Variants in SCHIP1 observed in about 807,000 individuals in gnomAD.
The protein encoded by SCHIP1 is schwannomin-interacting protein 1.
Under a neutral mutation model 29.7 loss-of-function variants are expected in SCHIP1, and 8 were observed. That is an observed-to-expected ratio of 0.27 (90% CI 0.16 to 0.49). The LOEUF (loss-of-function observed/expected upper bound fraction) is 0.49, where lower values mean the gene tolerates loss of function less well. Among genes scored for constraint, SCHIP1 ranks in the 20% least tolerant of loss-of-function variants. SCHIP1 has a pLI of 0.99. For synonymous variants in SCHIP1, 76 were observed against 94.9 expected, an observed-to-expected ratio of 0.80 and a Z score of 1.16; for missense variants, 193 against 294.6, an observed-to-expected ratio of 0.66 and a Z score of 2.52.
At chr3:159,432,155 T>G in the SCHIP1 span, among the ~76,000 whole-genome samples, 1 of 151,972 alleles carries the variant, frequency 6.6e-6, no homozygotes. Flanking sequence ...GGATCCAAGA[T>G]AGATTGCTCT....
At chr3:159,684,314 A>T in the SCHIP1 span, among the ~76,000 whole-genome samples, 1 of 152,146 alleles carries the variant, frequency 6.6e-6, no homozygotes, top group Admixed American at 6.5e-5. Context: ...CTTTCCTTCA[A>T]AAACCCTAAT....
At chr3:159,359,189 G>A in the SCHIP1 span, among the ~76,000 whole-genome samples, 1 of 152,014 alleles carries the variant, frequency 6.6e-6, no homozygotes, top group Non-Finnish European at 1.5e-5. Context: ...GCCTCCCAAA[G>A]TGCTGGGATT....
At chr3:159,579,047 C>A in the SCHIP1 span, among the ~76,000 whole-genome samples, 1 of 152,160 alleles carries the variant, frequency 6.6e-6, no homozygotes, top group Non-Finnish European at 1.5e-5. Context: ...TTATGCCATA[C>A]CTAGCTGTGT....
At chr3:159,729,385 A>G in the SCHIP1 span, among the ~76,000 whole-genome samples, 150 of 152,284 alleles carry the variant, frequency 9.9e-4, 4 homozygotes, top group South Asian at 9.7e-3. Flanking sequence ...AGAGGAAATA[A>G]ATGTATAAAA....
At chr3:159,499,475 A>AT in the SCHIP1 span, among the ~76,000 whole-genome samples, 2 of 152,226 alleles carry the variant, frequency 1.3e-5, no homozygotes, top group Non-Finnish European at 2.9e-5. Context: ...ATCCACATTT[A>AT]TGTTAAAAGT....
At chr3:159,551,940 T>C in the SCHIP1 span, among the ~76,000 whole-genome samples, 11 of 152,048 alleles carry the variant, frequency 7.2e-5, no homozygotes, top group Non-Finnish European at 1.2e-4. Flanking sequence ...TTGTGATACT[T>C]ACAAAAGGAG....
intron 6 of SCHIP1, chr3:159,893,459 G>A (rs1560100004): frequency 6.6e-6 from 1 of 152,148 alleles, no homozygotes; most frequent in Non-Finnish European, 1.5e-5. Flanking sequence ...TTGCATGCAG[G>A]TGTTAAGATT....
chr3:159,836,633 A>G (rs1441658102), upstream of SCHIP1, among the ~76,000 whole-genome samples: 2 of 152,198 alleles, frequency 1.3e-5, no homozygotes, highest in African/African-American at 4.8e-5. Flanking sequence ...TATCTGAACA[A>G]TAACAGTGTC....
At chr3:159,538,595 C>T in the SCHIP1 span, among the ~76,000 whole-genome samples, 1 of 152,104 alleles carries the variant, frequency 6.6e-6, no homozygotes, top group East Asian at 1.9e-4. Flanking sequence ...TCAACCTTGA[C>T]ATAGTGAAAG....
the SCHIP1 span, chr3:159,765,799 T>C: frequency 3.3e-5 from 5 of 152,242 alleles, no homozygotes; most frequent in African/African-American, 9.6e-5. Flanking sequence ...CTTCCCTCGG[T>C]CGCCTGACTC....
At chr3:159,588,746 G>C in the SCHIP1 span, among the ~76,000 whole-genome samples, 1 of 152,094 alleles carries the variant, frequency 6.6e-6, no homozygotes, top group Admixed American at 6.6e-5. Flanking sequence ...TCTTGTTTTT[G>C]TCAGGTTTGT....
the SCHIP1 span, among the ~76,000 whole-genome samples, chr3:159,468,755 T>C: frequency 8.8e-6 from 1 of 114,244 alleles, no homozygotes; most frequent in Non-Finnish European, 1.8e-5. Flanking sequence ...ATATATAATA[T>C]AATATATATA....
chr3:159,373,813 AATTATTC>A, the SCHIP1 span, among the ~76,000 whole-genome samples: 1 of 152,280 alleles, frequency 6.6e-6, no homozygotes, highest in South Asian at 2.1e-4. Context: ...CATTTTAAAA[AATTATTC>A]ATTTGTTGAT....
At chr3:159,541,186 GT>G in the SCHIP1 span, among the ~76,000 whole-genome samples, 1 of 152,074 alleles carries the variant, frequency 6.6e-6, no homozygotes, top group East Asian at 1.9e-4. Flanking sequence ...GATTGCCCTT[GT>G]GAATCACAAA....
the SCHIP1 span, among the ~76,000 whole-genome samples, chr3:159,660,661 A>T: frequency 6.6e-6 from 1 of 152,226 alleles, no homozygotes; most frequent in African/African-American, 2.4e-5. Context: ...GGCTCGAATT[A>T]ATAAAGAATG....
chr3:159,839,756 T>A (rs1275264985), upstream of SCHIP1: 2 of 394,642 alleles, frequency 5.1e-6, no homozygotes, highest in Non-Finnish European at 7.8e-6. Context: ...TCCCTCTCCC[T>A]CTCCCTCGCT....
the SCHIP1 span, among the ~76,000 whole-genome samples, chr3:159,508,152 T>C: frequency 6.6e-6 from 1 of 152,356 alleles, no homozygotes; most frequent in African/African-American, 2.4e-5. Context: ...GAGCCTGTTA[T>C]TGGTCTAATC....
the SCHIP1 span, among the ~76,000 whole-genome samples, chr3:159,790,635 G>A: frequency 1.1e-4 from 17 of 152,170 alleles, no homozygotes; most frequent in South Asian, 6.2e-4. Context: ...GCAGTGAGCC[G>A]AGATTGAGCC....
intron 2 of SCHIP1, among the ~76,000 whole-genome samples, chr3:159,871,368 TG>T (rs143350836): frequency 7.7e-3 from 111 of 14,446 alleles, no homozygotes; most frequent in Middle Eastern, 0.05. Flanking sequence ...TTGGGGGGGG[TG>T]GGGGGGGGCT....
Sources: gnomAD v4.1 joint callset for allele counts (sites outside exome capture counted in the v4.1 genomes callset) on GRCh38, gnomAD v4.1.1 for gene constraint, MANE v1.5 for transcripts, NCBI Gene and HGNC (gene_info 2026-07-23, HGNC 2026-07-21) for gene names.